AHRR: variants seen among roughly 807,000 people sequenced by gnomAD.
AHRR encodes the protein aryl hydrocarbon receptor repressor.
A neutral mutation model predicts 44.0 loss-of-function variants in AHRR; 28 were observed. That is an observed-to-expected ratio of 0.64 (90% CI 0.47 to 0.87). AHRR has a LOEUF of 0.87. AHRR is among the 40% of genes least tolerant of loss of function. AHRR has a pLI of 0.00. For missense variants in AHRR, 990 were observed against 953.9 expected (o/e 1.04, Z -0.50); for synonymous variants, 434 against 407.0 (o/e 1.07, Z -0.80).
intron 1 of AHRR, among the ~76,000 whole-genome samples, chr5:323,282 A>T (rs1036513941): frequency 6.6e-6 from 1 of 152,244 alleles, no homozygotes; most frequent in Non-Finnish European, 1.5e-5. Flanking sequence ...TCCAGTCCAA[A>T]GGAGGCTCCA....
In AHRR at chr5:395,228, G is replaced by A. The variant is rs1478813767; in HGVS notation, c.352-18116G>A. ...CCCCTCCTGCCAGGTGGCCGACACTGGCTGCCCTGCGTCCCCATTCCCTGA... is the reference window on the plus strand; with the variant it reads ...CCCCTCCTGCCAGGTGGCCGACACTAGCTGCCCTGCGTCCCCATTCCCTGA... On this transcript the variant is annotated intron_variant, in intron 4 of 10. Coordinates refer to ENST00000684583, the MANE Select transcript of AHRR (RefSeq NM_001377236.1). This position sits in a 1 kb window ranked among gnomAD's most constrained non-coding sequence, Gnocchi z 5.3. Among the ~76,000 whole-genome samples the A allele has an allele frequency of 2.0e-5, 3 of 152,198 alleles. No individual in the cohort carries two copies. The highest frequency in any genetic ancestry group is 4.4e-5 in the Non-Finnish European group (3 of 68,024).
At chr5:426,332 ATGGATGGATGGATGGGAAGATGGATGGG>A (rs1356421870) in intron 7 of AHRR, among the ~76,000 whole-genome samples, 3 of 113,248 alleles carry the variant, frequency 2.6e-5, no homozygotes, top group Admixed American at 2.4e-4. Context: ...TAGGAAGATG[ATGGATGGATGGATGGGAAGATGGATGGG>A]TGGATGGATG....
intron 3 of AHRR, among the ~76,000 whole-genome samples, chr5:369,889 G>T (rs953444281): frequency 6.6e-6 from 1 of 152,264 alleles, no homozygotes; most frequent in Non-Finnish European, 1.5e-5. Context: ...GGGAAGGAAG[G>T]GAGAGTTTGA....
At position 326,062 on chromosome 5, in the gene AHRR, C is replaced by T. The variant is rs1170396560; in HGVS notation, c.-11+4243C>T. Among the ~76,000 whole-genome samples, 7 of 152,230 alleles carry T rather than the reference C, an allele frequency of 4.6e-5. No homozygotes were observed. The highest frequency in any genetic ancestry group is 7.3e-5 in the Non-Finnish European group (5 of 68,044). On this transcript the variant is annotated intron_variant, in intron 1 of 10. Coordinates refer to ENST00000684583, the MANE Select transcript of AHRR (RefSeq NM_001377236.1). This position sits in a 1 kb window ranked among gnomAD's most constrained non-coding sequence, Gnocchi z 4.1. ...CCTCCCTAAGTGCTGGGATTACAGG[C>T]GTGAGCCACTGCGGCCGGCCTCTTT...
intron 2 of AHRR, among the ~76,000 whole-genome samples, chr5:347,967 A>G (rs924059793): frequency 2.6e-5 from 4 of 152,104 alleles, no homozygotes; most frequent in African/African-American, 9.7e-5. Flanking sequence ...TGTGTGCCCT[A>G]AATTTTGTCT....
rs1742179856 is a variant in AHRR, at chr5:337,435, G to A, written c.-10-6458G>A. Among the ~76,000 whole-genome samples, 3 of 152,274 alleles carry A rather than the reference G, an allele frequency of 2.0e-5. No individual in the cohort carries two copies. The South Asian group carries it at 6.2e-4, about 32-fold the overall frequency. On this transcript the variant is annotated intron_variant, in intron 1 of 10. Coordinates refer to ENST00000684583, the MANE Select transcript of AHRR (RefSeq NM_001377236.1). The surrounding 1 kb of genome is among the most constrained non-coding windows in gnomAD (Gnocchi z 4.1). ...GTTCTGTCACCCAGGCTGGAGTGCAGTGGTGTGATCTGGGCTCACTGCAGC... is the reference window on the plus strand; with the variant it reads ...GTTCTGTCACCCAGGCTGGAGTGCAATGGTGTGATCTGGGCTCACTGCAGC...
rs979116000 is a variant in AHRR at position 370,472 on chromosome 5, G to A, written c.245-6138G>A. Among the ~76,000 whole-genome samples, 1 of 152,200 alleles carries A rather than the reference G, an allele frequency of 6.6e-6. No individual in the cohort carries two copies. Among genetic ancestry groups the A allele is most frequent in the African/African-American group, 2.4e-5 (1 of 41,456 alleles). Reference sequence around the variant, plus strand: ...CCTCAGGAGGGAGCTTGAGCTGGAAGCAGGGGTGAGTGAAATCAGGTTCAA... The same window carrying A: ...CCTCAGGAGGGAGCTTGAGCTGGAAACAGGGGTGAGTGAAATCAGGTTCAA... On this transcript the variant is annotated intron_variant, in intron 3 of 10. Transcript: ENST00000684583. The surrounding 1 kb of genome is among the most constrained non-coding windows in gnomAD (Gnocchi z 4.5).
At chr5:327,831 C>T (rs1020394133) in intron 1 of AHRR, among the ~76,000 whole-genome samples, 6 of 151,990 alleles carry the variant, frequency 3.9e-5, no homozygotes, top group Admixed American at 2.6e-4. Flanking sequence ...ATGTGCACAA[C>T]GTGCAGGTTT....
intron 5 of AHRR, among the ~76,000 whole-genome samples, chr5:420,746 T>C (rs1736043301): frequency 7.0e-6 from 1 of 143,288 alleles, no homozygotes; most frequent in Non-Finnish European, 1.5e-5. Context: ...GCAAGGCAGC[T>C]GGACGGCTCA....
chr5:415,563 G>A (rs1298746380), intron 5 of AHRR, among the ~76,000 whole-genome samples: 4 of 146,308 alleles, frequency 2.7e-5, no homozygotes, highest in African/African-American at 5.3e-5. Context: ...CCTAGGGGCC[G>A]AATCTGCCTG....
At chr5:412,382 G>A (rs546029931) in intron 4 of AHRR, among the ~76,000 whole-genome samples, 2 of 152,294 alleles carry the variant, frequency 1.3e-5, no homozygotes, top group African/African-American at 4.8e-5. Context: ...TCAGGGTGAG[G>A]CGGACCAGGC....
chr5:333,496 T>C (rs1742011024), intron 1 of AHRR, among the ~76,000 whole-genome samples: 1 of 151,930 alleles, frequency 6.6e-6, no homozygotes. Context: ...CTCAGGAGGC[T>C]GGGGCAGGAG....
chr5:329,526 C>T (rs746906478), intron 1 of AHRR, among the ~76,000 whole-genome samples: 5 of 152,082 alleles, frequency 3.3e-5, no homozygotes, highest in Non-Finnish European at 7.4e-5. Flanking sequence ...TTTTCTAATT[C>T]TGTGAAAAAT....
chr5:426,850 TGGA>T, intron 7 of AHRR, among the ~76,000 whole-genome samples: 1 of 140,450 alleles, frequency 7.1e-6, no homozygotes, highest in Non-Finnish European at 1.6e-5. Flanking sequence ...CATGGATAGA[TGGA>T]TGGATGGGTG....
chr5:353,487 C>T (rs1441313242), intron 2 of AHRR, among the ~76,000 whole-genome samples: 6 of 152,158 alleles, frequency 3.9e-5, no homozygotes, highest in East Asian at 3.9e-4. Context: ...CTGCGGTTCT[C>T]CGGCTGGTTT....
Position 432,936 on chromosome 5 carries a change from G to A in AHRR, c.1101G>A (p.Lys367=), listed in dbSNP as rs1736804636. The change falls in exon 10 of 11, where the codon AAG becomes AAA. Residue 367 remains lysine, a synonymous_variant. Transcript: ENST00000684583. The stretch of plus-strand genomic sequence containing the variant: ...GCCCTGACCTTGTCCTTGACCCCAA[G>A]GGGGGCTCAGGGTAAGTGGTGCCAG... ...RGGPDLVLDP[K]GGSGDREEEQ... The A allele has an allele frequency of 6.2e-7, 1 of 1,605,310 alleles. No individual in the cohort carries two copies. The highest frequency in any genetic ancestry group is 1.1e-5 in the South Asian group (1 of 89,958).
intron 4 of AHRR, among the ~76,000 whole-genome samples, chr5:385,864 T>C (rs1734152616): frequency 6.6e-6 from 1 of 152,248 alleles, no homozygotes; most frequent in African/African-American, 2.4e-5. Context: ...GTTAGACTTT[T>C]TAATATTTCC....
intron 3 of AHRR, among the ~76,000 whole-genome samples, chr5:376,083 T>C (rs1733614534): frequency 6.6e-6 from 1 of 151,946 alleles, no homozygotes; most frequent in Admixed American, 6.6e-5. Flanking sequence ...GCTGCGTGGG[T>C]TCCAGGAGGG....
At chr5:349,979 T>G (rs1180813522) in intron 2 of AHRR, among the ~76,000 whole-genome samples, 1 of 152,248 alleles carries the variant, frequency 6.6e-6, no homozygotes, top group African/African-American at 2.4e-5. Flanking sequence ...TTCTATTCAT[T>G]TATACTTCTA....
Sources: gnomAD v4.1 joint callset for allele counts (sites outside exome capture counted in the v4.1 genomes callset) on GRCh38, gnomAD v4.1.1 for gene constraint, Gnocchi (gnomAD v3.1) non-coding constraint, MANE v1.5 for transcripts, NCBI Gene and HGNC (gene_info 2026-07-23, HGNC 2026-07-21) for gene names.